Variants in BUD23 observed in about 807,000 individuals in gnomAD.
BUD23 encodes 18S rRNA (guanine-N(7))-methyltransferase.
In BUD23, 34 loss-of-function variants were observed where a neutral mutation model predicts 47.0. That is an observed-to-expected ratio of 0.72 (90% confidence interval 0.55 to 0.96). The LOEUF (loss-of-function observed/expected upper bound fraction) is 0.96. BUD23 is among the 40% of genes least tolerant of loss of function. The probability of loss-of-function intolerance (pLI) is 0.00; values close to 1 mark genes in which losing one functional copy is unlikely to be tolerated. For missense variants in BUD23, 343 were observed against 361.2 expected, an observed-to-expected ratio of 0.95 and a Z score of 0.41; for synonymous variants, 124 against 132.0, an observed-to-expected ratio of 0.94 and a Z score of 0.41.
chr7:73,690,868 G>C (rs1554613876), intron 5 of BUD23, 48 bp from the exon 6 acceptor site: 2 of 1,491,306 alleles, frequency 1.3e-6, no homozygotes, highest in Non-Finnish European at 1.9e-6. Flanking sequence ...GTGGTTGGGG[G>C]AGCAACGTGG....
chr7:73,691,197 G>A (rs1337971071), intron 6 of BUD23, among the ~76,000 whole-genome samples, 185 bp downstream of exon 6: 3 of 152,164 alleles, frequency 2.0e-5, no homozygotes, highest in African/African-American at 7.2e-5. Flanking sequence ...TTCAAGCTCA[G>A]TGGACTGATA....
intron 10 of BUD23, chr7:73,695,299 C>G (rs368362220): frequency 2.0e-5 from 3 of 151,364 alleles, no homozygotes; most frequent in African/African-American, 7.3e-5. Context: ...CTCTTTCCCC[C>G]CAGGCTGGAG....
chr7:73,697,988 T>C lies in BUD23; in HGVS notation c.*102T>C, dbSNP rs943217981. The C allele has an allele frequency of 5.8e-5, 83 of 1,428,212 alleles. No homozygotes were observed. Among genetic ancestry groups the C allele is most frequent in the Non-Finnish European group, 1.9e-6 (2 of 1,071,678 alleles). 88.5% of individuals were successfully genotyped at this position (1,428,212 alleles called of 1,614,324 possible). On this transcript the variant is annotated 3_prime_UTR_variant, in exon 12 of 12. Transcript: ENST00000265758. ...AAAGTTCTAAAGTTATAAAAATGTTTTCTGCAGTAAAAAAAAAGTTCTCTG... is the reference window on the plus strand; with the variant it reads ...AAAGTTCTAAAGTTATAAAAATGTTCTCTGCAGTAAAAAAAAAGTTCTCTG...
intron 5 of BUD23, among the ~76,000 whole-genome samples, chr7:73,689,493 G>A (rs1276573619): frequency 2.6e-5 from 4 of 152,138 alleles, no homozygotes; most frequent in Non-Finnish European, 4.4e-5. Flanking sequence ...CTGAATATAA[G>A]GGCATGAGTG....
intron 10 of BUD23, chr7:73,694,295 C>A: frequency 2.2e-6 from 1 of 446,670 alleles, no homozygotes; most frequent in Non-Finnish European, 3.9e-6. Context: ...TGCCCCTTCC[C>A]CTTGCCACGC....
rs113739650 is a variant in BUD23, at chr7:73,687,486, G to A, written c.362+391G>A. Among the ~76,000 whole-genome samples, 11 of 152,180 alleles carry A rather than the reference G, an allele frequency of 7.2e-5. 1 individual carries two copies. The South Asian group carries it at 2.1e-3, about 29-fold the overall frequency. On this transcript the variant is annotated intron_variant, in intron 5 of 11. Transcript: ENST00000265758. ...GAGGTGAGGTTTCACTATGTTGGCCGGGATGGTTTCAATCTCTTGACCTTG... is the reference window on the plus strand; with the variant it reads ...GAGGTGAGGTTTCACTATGTTGGCCAGGATGGTTTCAATCTCTTGACCTTG...
intron 6 of BUD23, among the ~76,000 whole-genome samples, chr7:73,691,759 C>T (rs1262049190): frequency 1.3e-5 from 2 of 151,932 alleles, no homozygotes; most frequent in Admixed American, 6.6e-5. Context: ...ACCACCATGC[C>T]AGGCTAATTT....
In BUD23 at chr7:73,697,629, G is replaced by A. The variant is rs782078366; in HGVS notation, c.726G>A (p.Arg242=). 6.2e-7 allele frequency: 1 copy of A among 1,613,750 alleles called. No individual in the cohort carries two copies. Among genetic ancestry groups the A allele is most frequent in the Admixed American group, 1.7e-5 (1 of 60,026 alleles). The change falls in exon 11 of 12, where the codon CGG becomes CGA. Residue 242 remains arginine, a synonymous_variant. Coordinates refer to ENST00000265758, the MANE Select transcript of BUD23 (RefSeq NM_017528.5). ...GGTTCCCATTAAGGATGTCGAGGCG[G>A]GGAATGGTGAGGAAGAGTCGGGCAT... ...NERFPLRMSR[R]GMVRKSRAWV...
At chr7:73,692,408 C>T (rs1324535345) in intron 6 of BUD23, among the ~76,000 whole-genome samples, 188 bp from the exon 7 acceptor site, 2 of 152,196 alleles carry the variant, frequency 1.3e-5, no homozygotes, top group African/African-American at 2.4e-5. Context: ...AATTAGTTGC[C>T]TCCTTTACTA....
At chr7:73,686,549 C>A in intron 2 of BUD23, 87 bp from the exon 3 acceptor site, 1 of 1,223,118 alleles carries the variant, frequency 8.2e-7, no homozygotes, top group Non-Finnish European at 1.2e-6. Context: ...TTTAACTTGG[C>A]TTTTTTTTGT....
At chr7:73,697,508 G>C in intron 10 of BUD23, 97 bp from the exon 11 acceptor site, 1 of 1,595,340 alleles carries the variant, frequency 6.3e-7, no homozygotes, top group African/African-American at 1.3e-5. Flanking sequence ...GAGGCCACCA[G>C]ACTCGGAGGT....
intron 2 of BUD23, among the ~76,000 whole-genome samples, chr7:73,685,935 CA>C (rs35201875): frequency 0.3 from 44,426 of 146,386 alleles, 7,650 homozygotes; most frequent in Non-Finnish European, 0.39. Flanking sequence ...ACTGAAAATG[CA>C]AAAAAAAAAA....
Position 73,697,636 on chromosome 7 carries a change from G to C in BUD23, c.733G>C (p.Val245Leu). 6.2e-7 allele frequency: 1 copy of C among 1,613,756 alleles called. No homozygotes were observed. The highest frequency in any genetic ancestry group is 1.3e-5 in the African/African-American group (1 of 75,056). The stretch of plus-strand genomic sequence containing the variant: ...ATTAAGGATGTCGAGGCGGGGAATG[G>C]TGAGGAAGAGTCGGGCATGGGTGCT... Reference protein sequence around the residue: ...FPLRMSRRGMVRKSRAWVLEK... With the variant: ...FPLRMSRRGMLRKSRAWVLEK... The change falls in exon 11 of 12, where the codon GTG becomes CTG. Residue 245 changes from valine (V) to leucine (L), a missense_variant. Val to Leu is a conservative substitution (Grantham distance 32). Transcript: ENST00000265758.
chr7:73,693,899 G>A (rs1798292319), intron 9 of BUD23, 93 bp from the exon 10 acceptor site: 19 of 1,516,788 alleles, frequency 1.3e-5, no homozygotes, highest in African/African-American at 6.9e-5. Flanking sequence ...CGTCCCTGTC[G>A]GAAGGGTCAG....
chr7:73,690,338 A>G (rs1440256244), intron 5 of BUD23, among the ~76,000 whole-genome samples: 2 of 152,068 alleles, frequency 1.3e-5, no homozygotes, highest in Admixed American at 1.3e-4. Context: ...TTGTAAAGAC[A>G]CTTAACAGGT....
In BUD23 at chr7:73,693,391, C is replaced by T. The variant is rs1554614356; in HGVS notation, c.573C>T (p.Tyr191=). 1.2e-6 allele frequency: 2 copies of T among 1,614,136 alleles called. No homozygotes were observed. The highest frequency in any genetic ancestry group is 1.3e-5 in the African/African-American group (1 of 75,052). Residue 191 remains tyrosine (Y), a synonymous_variant, in exon 8 of 12, where the codon TAC becomes TAT. Transcript: ENST00000265758. The part of the protein sequence containing the change: ...AGFSGGMVVD[Y]PNSAKAKKFY... ...TCTCCGGTGGCATGGTGGTAGACTACCCTAACAGTGCCAAAGCAAAGAAGT... is the reference window on the plus strand; with the variant it reads ...TCTCCGGTGGCATGGTGGTAGACTATCCTAACAGTGCCAAAGCAAAGAAGT...
chr7:73,683,901 G>A (rs1554612285), intron 2 of BUD23, 97 bp downstream of exon 2: 2 of 1,609,232 alleles, frequency 1.2e-6, no homozygotes, highest in East Asian at 2.2e-5. Context: ...AGAATTTGGG[G>A]GTGCGGGAAG....
intron 5 of BUD23, among the ~76,000 whole-genome samples, chr7:73,689,536 A>G (rs1292872042): frequency 6.6e-6 from 1 of 152,092 alleles, no homozygotes; most frequent in African/African-American, 2.4e-5. Flanking sequence ...GGGCTGCCAG[A>G]GCACAGGAAA....
chr7:73,693,387 A>ACTAC lies in BUD23; in HGVS notation c.571_574dup (p.Pro192LeufsTer3). On this transcript the variant is annotated frameshift_variant, in exon 8 of 12. Transcript: ENST00000265758. LOFTEE classifies it high-confidence loss of function. ...GGCTTCTCCGGTGGCATGGTGGTAGACTACCCTAACAGTGCCAAAGCAAAG... is the reference window on the plus strand; with the variant it reads ...GGCTTCTCCGGTGGCATGGTGGTAGACTACCTACCCTAACAGTGCCAAAGCAAAG... 1 of 1,614,176 alleles carries ACTAC rather than the reference A, an allele frequency of 6.2e-7. No homozygotes were observed. The highest frequency in any genetic ancestry group is 8.5e-7 in the Non-Finnish European group (1 of 1,180,022).
Sources: gnomAD v4.1 joint callset for allele counts (sites outside exome capture counted in the v4.1 genomes callset) on GRCh38, gnomAD v4.1.1 for gene constraint, MANE v1.5 for transcripts, NCBI Gene and HGNC (gene_info 2026-07-23, HGNC 2026-07-21) for gene names.